Variants in SBK2 observed in about 807,000 individuals in gnomAD.
SBK2 encodes the protein SH3 domain binding kinase family member 2, also known as serine/threonine-protein kinase SBK2.
Under a neutral mutation model 15.9 loss-of-function variants are expected in SBK2, and 18 were observed. The observed-to-expected ratio is 1.13, with a 90% CI of 0.78 to 1.68. The LOEUF (loss-of-function observed/expected upper bound fraction) is 1.68. SBK2 is among the 40% of genes most tolerant of loss of function. The pLI is 0.00. For synonymous variants in SBK2, 284 were observed against 246.8 expected (o/e 1.15, Z -1.41); for missense variants, 581 against 510.9 (o/e 1.14, Z -1.32).
rs546704468 is a variant in SBK2, at chr19:55,536,177, G to C, written c.118C>G (p.Arg40Gly). Residue 40 changes from arginine to glycine, a missense_variant, in exon 2 of 4, where the codon CGC becomes GGC. Transcript: ENST00000413299. The stretch of plus-strand genomic sequence containing the variant: ...AGCGTCATCATGTCCTCCAGCGCGC[G>C]GGCAGCCTCCTGGCCCTGCTGGAGC... ...EELQQGQEAA[R>G]ALEDMMTLSA... The C allele has an allele frequency of 1.2e-6, 2 of 1,606,640 alleles. No homozygotes were observed. The highest frequency in any genetic ancestry group is 8.5e-7 in the Non-Finnish European group (1 of 1,176,950).
chr19:55,533,189 G>T (rs1409508918), intron 2 of SBK2, among the ~76,000 whole-genome samples: 1 of 151,720 alleles, frequency 6.6e-6, no homozygotes, highest in Non-Finnish European at 1.5e-5. Flanking sequence ...AAAATTAGCC[G>T]GTGTGGTTGC....
chr19:55,536,183 C>G lies in SBK2; in HGVS notation c.112G>C (p.Ala38Pro), dbSNP rs746170924. 1 of 1,606,936 alleles carries G rather than the reference C, an allele frequency of 6.2e-7. No individual in the cohort carries two copies. Among genetic ancestry groups the G allele is most frequent in the African/African-American group, 1.3e-5 (1 of 74,706 alleles). Residue 38 changes from alanine (A) to proline (P), a missense_variant, in exon 2 of 4, where the codon GCT becomes CCT. By Grantham distance (27) the Ala-to-Pro change is conservative. Coordinates refer to ENST00000413299, the MANE Select transcript of SBK2 (RefSeq NM_001370096.2). Reference protein sequence around the residue: ...TLEELQQGQEAARALEDMMTL... With the variant: ...TLEELQQGQEPARALEDMMTL... ...ATCATGTCCTCCAGCGCGCGGGCAG[C>G]CTCCTGGCCCTGCTGGAGCTCCTCT...
Position 55,530,273 on chromosome 19 carries a change from G to T in SBK2, c.507C>A (p.Ser169=). 3 of 1,479,100 alleles carry T rather than the reference G, an allele frequency of 2.0e-6. No individual in the cohort carries two copies. The highest frequency in any genetic ancestry group is 2.7e-6 in the Non-Finnish European group (3 of 1,114,682). 91.6% of individuals were successfully genotyped at this position (1,479,100 alleles called of 1,614,324 possible). The stretch of plus-strand genomic sequence containing the variant: ...CGCGGGCGTGGATGTACTCCAGGGC[G>T]GAGGCCAGCTGGGCGGCGCAGCGGT... The part of the protein sequence containing the change: ...AVHRCAAQLA[S]ALEYIHARGL... Residue 169 remains serine, a synonymous_variant, in exon 4 of 4, where the codon TCC becomes TCA. Transcript: ENST00000413299.
chr19:55,533,454 C>T (rs1175333055), intron 2 of SBK2, among the ~76,000 whole-genome samples: 1 of 151,516 alleles, frequency 6.6e-6, no homozygotes, highest in East Asian at 1.9e-4. Flanking sequence ...TCAAGACCAG[C>T]GTGGCCAAAA....
At chr19:55,533,047 T>C (rs1049924792) in intron 2 of SBK2, among the ~76,000 whole-genome samples, 8 of 152,154 alleles carry the variant, frequency 5.3e-5, no homozygotes, top group African/African-American at 1.9e-4. Context: ...TCCCTCCTTA[T>C]TGGCCCAGCG....
intron 2 of SBK2, among the ~76,000 whole-genome samples, chr19:55,535,684 A>G (rs550685287): frequency 6.6e-6 from 1 of 152,280 alleles, no homozygotes; most frequent in African/African-American, 2.4e-5. Context: ...CCTGGCCAAC[A>G]GAGTGAAACC....
rs1988224134 is a variant in SBK2, at chr19:55,530,400, G to A, written c.457-77C>T. On this transcript the variant is annotated intron_variant, in intron 3 of 3. Transcript: ENST00000413299. ...GAGACCCAGGAAGCAGGCCCAGGAC[G>A]CCAAGGAGGCCGGTAAGGAAGACGG... 2.3e-6 allele frequency: 3 copies of A among 1,280,130 alleles called. No homozygotes were observed. The South Asian group carries it at 5.2e-5, about 22-fold the overall frequency. 79.3% of individuals were successfully genotyped at this position (1,280,130 alleles called of 1,614,324 possible).
At chr19:55,534,119 C>A (rs571365097) in intron 2 of SBK2, among the ~76,000 whole-genome samples, 64 of 152,230 alleles carry the variant, frequency 4.2e-4, no homozygotes, top group African/African-American at 1.5e-3. Context: ...AATTGTGTAT[C>A]CCCAAAACTC....
chr19:55,534,922 G>T (rs1003267494), intron 2 of SBK2, among the ~76,000 whole-genome samples: 1 of 151,674 alleles, frequency 6.6e-6, no homozygotes, highest in Non-Finnish European at 1.5e-5. Flanking sequence ...CTACTCGGGG[G>T]GCTGAGGCAC....
chr19:55,532,810 C>T (rs564598075), intron 2 of SBK2, among the ~76,000 whole-genome samples: 1 of 152,176 alleles, frequency 6.6e-6, no homozygotes, highest in South Asian at 2.1e-4. Context: ...GAAATTCCTG[C>T]TAACTGGCTA....
intron 2 of SBK2, among the ~76,000 whole-genome samples, chr19:55,532,500 A>G (rs1217646024): frequency 1.3e-5 from 2 of 150,252 alleles, no homozygotes; most frequent in African/African-American, 4.9e-5. Flanking sequence ...ATGGGGTTTC[A>G]CCATGTTGGT....
chr19:55,533,991 G>T (rs918767537), intron 2 of SBK2, among the ~76,000 whole-genome samples: 1 of 152,162 alleles, frequency 6.6e-6, no homozygotes, highest in African/African-American at 2.4e-5. Flanking sequence ...CAATGCCCCC[G>T]CCTGTTACTG....
chr19:55,535,881 A>C (rs1427125840), intron 2 of SBK2, among the ~76,000 whole-genome samples, 161 bp downstream of exon 2: 1 of 152,272 alleles, frequency 6.6e-6, no homozygotes, highest in East Asian at 1.9e-4. Context: ...TGTCTCAAAA[A>C]CAACCAACCA....
chr19:55,535,991 G>T, intron 2 of SBK2, 51 bp downstream of exon 2: 1 of 1,411,714 alleles, frequency 7.1e-7, no homozygotes, highest in East Asian at 2.7e-5. Flanking sequence ...CCCCAGGCCC[G>T]TGCCCCGCCC....
Position 55,528,651 on chromosome 19 carries a change from C to T in SBK2, c.*1082G>A, listed in dbSNP as rs1403087094. Among the ~76,000 whole-genome samples, 3 of 152,092 alleles carry T rather than the reference C, an allele frequency of 2.0e-5. No homozygotes were observed. The highest frequency in any genetic ancestry group is 2.1e-4 in the South Asian group (1 of 4,820). On this transcript the variant is annotated 3_prime_UTR_variant, in exon 4 of 4. Coordinates refer to ENST00000413299, the MANE Select transcript of SBK2 (RefSeq NM_001370096.2). ...GAGTTTATTTGCAGAGTGGCTGGGG[C>T]GAGAGAAGGCAAAACACATCACAGA...
chr19:55,529,585 A>C lies in SBK2; in HGVS notation c.*148T>G. 2 of 1,167,828 alleles carry C rather than the reference A, an allele frequency of 1.7e-6. No individual in the cohort carries two copies. The highest frequency in any genetic ancestry group is 2.3e-6 in the Non-Finnish European group (2 of 864,024). The allele number at this position is 1,167,828 out of a possible 1,614,324, so 72.3% of individuals were successfully genotyped here. On this transcript the variant is annotated 3_prime_UTR_variant, in exon 4 of 4. Coordinates refer to ENST00000413299, the MANE Select transcript of SBK2 (RefSeq NM_001370096.2). ...GAGGCCCTCATGGACCAAGGGAGGA[A>C]TGCAGCCTGCAGAGAGGAGAGAGGA... is the stretch of plus-strand genomic sequence containing the variant.
chr19:55,531,321 AGCT>A lies in SBK2; in HGVS notation c.275_277del (p.Gln92del). 4.3e-6 allele frequency: 7 copies of A among 1,609,340 alleles called. No homozygotes were observed. The highest frequency in any genetic ancestry group is 5.9e-6 in the Non-Finnish European group (7 of 1,178,226). On this transcript the variant is annotated inframe_deletion, in exon 3 of 4. Transcript: ENST00000413299. ...ACGGAGGGACGTGCGGGGTTTCGGG[AGCT>A]GCTTCAGTGCCAGGGGTGTGCCTGG... is the stretch of plus-strand genomic sequence containing the variant.
At chr19:55,532,106 T>G (rs1988283079) in intron 2 of SBK2, among the ~76,000 whole-genome samples, 1 of 152,136 alleles carries the variant, frequency 6.6e-6, no homozygotes, top group South Asian at 2.1e-4. Flanking sequence ...ACCATGAAAT[T>G]TCTCCAATGA....
intron 2 of SBK2, among the ~76,000 whole-genome samples, chr19:55,533,764 G>T (rs1988332224): frequency 6.6e-6 from 1 of 151,586 alleles, no homozygotes; most frequent in South Asian, 2.1e-4. Flanking sequence ...GATGCAGTGG[G>T]GTCTCTTCTG....
Sources: gnomAD v4.1 joint callset for allele counts (sites outside exome capture counted in the v4.1 genomes callset) on GRCh38, gnomAD v4.1.1 for gene constraint, MANE v1.5 for transcripts, NCBI Gene and HGNC (gene_info 2026-07-23, HGNC 2026-07-21) for gene names.